DGKB: variants seen among roughly 807,000 people sequenced by gnomAD.
DGKB encodes the protein diacylglycerol kinase beta, also known as 90 kDa diacylglycerol kinase.
DGKB carries 67 observed loss-of-function variants against 114.3 expected under a neutral mutation model. That is an observed-to-expected ratio of 0.59 (90% CI 0.48 to 0.72). The LOEUF (loss-of-function observed/expected upper bound fraction) is 0.72, where lower values mean the gene tolerates loss of function less well. Ranked by LOEUF, DGKB falls within the 30% of genes least tolerant of loss-of-function variation. The pLI, the probability that DGKB is intolerant of heterozygous loss-of-function variation, is 0.00. For missense variants in DGKB, 907 were observed against 975.2 expected, an observed-to-expected ratio of 0.93 and a Z score of 0.93; for synonymous variants, 398 against 323.1, an observed-to-expected ratio of 1.23 and a Z score of -2.49.
chr7:14,567,365 T>C (rs1797657731), intron 20 of DGKB, among the ~76,000 whole-genome samples: 1 of 38,382 alleles, frequency 2.6e-5, no homozygotes, highest in African/African-American at 1.1e-4. Context: ...TTATATTATA[T>C]ATATTATATA....
intron 21 of DGKB, among the ~76,000 whole-genome samples, chr7:14,432,679 C>G (rs1828646769): frequency 6.6e-6 from 1 of 152,068 alleles, no homozygotes; most frequent in Admixed American, 6.6e-5. Context: ...AACCATAATC[C>G]CAAAAGGAGA....
At chr7:14,730,774 A>G (rs148653856) in intron 5 of DGKB, among the ~76,000 whole-genome samples, 1 of 152,284 alleles carries the variant, frequency 6.6e-6, no homozygotes, top group African/African-American at 2.4e-5. Context: ...CCATGTACTC[A>G]TGTATCTCCA....
chr7:14,729,123 C>CTTTCT (rs1463141725), intron 5 of DGKB, among the ~76,000 whole-genome samples: 3 of 113,366 alleles, frequency 2.6e-5, no homozygotes, highest in African/African-American at 7.3e-5. Flanking sequence ...CATTTTCTTT[C>CTTTCT]TTTTTTTTTT....
intron 15 of DGKB, among the ~76,000 whole-genome samples, chr7:14,613,654 G>A (rs536652628): frequency 1.6e-4 from 24 of 151,960 alleles, no homozygotes; most frequent in African/African-American, 3.6e-4. Context: ...ATAGAGGGCC[G>A]AGGGGAAGGC....
intron 23 of DGKB, among the ~76,000 whole-genome samples, chr7:14,203,581 A>C (rs1786258033): frequency 6.6e-6 from 1 of 152,000 alleles, no homozygotes; most frequent in Non-Finnish European, 1.5e-5. Context: ...CAGTGCATGC[A>C]TGCAGTTTTG....
At chr7:14,160,366 T>C (rs992018581) in intron 25 of DGKB, among the ~76,000 whole-genome samples, 5 of 152,150 alleles carry the variant, frequency 3.3e-5, no homozygotes, top group African/African-American at 9.6e-5. Flanking sequence ...GATTGTATAT[T>C]TAGAAAACCC....
intron 13 of DGKB, among the ~76,000 whole-genome samples, chr7:14,667,130 T>C (rs1818177541): frequency 6.6e-6 from 1 of 152,024 alleles, no homozygotes; most frequent in South Asian, 2.1e-4. Context: ...TGCTAATCTC[T>C]GGAAATGGTG....
At chr7:14,689,777 CTT>C (rs1417955480) in intron 9 of DGKB, among the ~76,000 whole-genome samples, 2 of 152,168 alleles carry the variant, frequency 1.3e-5, no homozygotes, top group African/African-American at 4.8e-5. Context: ...AAATTAAAAA[CTT>C]TTAAAAATCG....
chr7:14,723,253 G>C (rs1435389989), intron 5 of DGKB, among the ~76,000 whole-genome samples: 1 of 152,144 alleles, frequency 6.6e-6, no homozygotes, highest in Non-Finnish European at 1.5e-5. Flanking sequence ...AATAGTAAGT[G>C]AGATCCTTTC....
intron 23 of DGKB, among the ~76,000 whole-genome samples, chr7:14,299,059 A>C (rs1330754278): frequency 1.3e-5 from 2 of 152,148 alleles, no homozygotes; most frequent in Admixed American, 1.3e-4. Flanking sequence ...GCTGAAGAGG[A>C]TGTCGAGAAA....
chr7:14,203,179 T>TAAAAAAAAAAAAAAAAAAAAA, intron 23 of DGKB, among the ~76,000 whole-genome samples: 1 of 78,964 alleles, frequency 1.3e-5, no homozygotes, highest in Admixed American at 1.2e-4. Flanking sequence ...AAAAAAAAAG[T>TAAAAAAAAAAAAAAAAAAAAA]TAAAAGTTTC....
intron 20 of DGKB, 148 bp from the exon 21 acceptor site, chr7:14,478,373 A>G (rs966385125): frequency 5.9e-6 from 3 of 507,400 alleles, no homozygotes; most frequent in Non-Finnish European, 1.0e-5. Flanking sequence ...TTAGGCAAAA[A>G]TGTGTGATCC....
chr7:14,263,624 A>G (rs1223450186), intron 23 of DGKB, among the ~76,000 whole-genome samples: 1 of 152,166 alleles, frequency 6.6e-6, no homozygotes, highest in Non-Finnish European at 1.5e-5. Context: ...CCTTCAGAAG[A>G]GCAACATTCT....
At chr7:14,300,081 A>T (rs1369489350) in intron 23 of DGKB, among the ~76,000 whole-genome samples, 1 of 152,106 alleles carries the variant, frequency 6.6e-6, no homozygotes, top group East Asian at 1.9e-4. Context: ...TTTCTGAAAG[A>T]TATCTACCAA....
At chr7:14,682,501 C>A in intron 12 of DGKB, 52 bp downstream of exon 12, 1 of 1,216,300 alleles carries the variant, frequency 8.2e-7, no homozygotes, top group South Asian at 1.3e-5. Context: ...GTATGATATA[C>A]ACGTCTTCAG....
At chr7:14,772,982 C>A (rs1837637170) in intron 2 of DGKB, among the ~76,000 whole-genome samples, 1 of 152,124 alleles carries the variant, frequency 6.6e-6, no homozygotes, top group Admixed American at 6.6e-5. Context: ...ATGCTTTAAT[C>A]TTCAAAAGAA....
At chr7:14,478,374 T>C (rs975978986) in intron 20 of DGKB, 149 bp from the exon 21 acceptor site, 18 of 507,252 alleles carry the variant, frequency 3.5e-5, no homozygotes, top group East Asian at 2.2e-4. Context: ...TAGGCAAAAA[T>C]GTGTGATCCA....
intron 1 of DGKB, among the ~76,000 whole-genome samples, chr7:14,966,503 G>A (rs1787159585): frequency 6.6e-6 from 1 of 151,816 alleles, no homozygotes; most frequent in Non-Finnish European, 1.5e-5. Flanking sequence ...GTCTCACCAT[G>A]TCGCCCAGGC....
intron 23 of DGKB, chr7:14,191,151 G>C (rs943734358): frequency 2.9e-5 from 5 of 173,582 alleles, no homozygotes; most frequent in African/African-American, 9.4e-5. Flanking sequence ...TGTTGCTGCT[G>C]GTGCTGGTGA....
Sources: allele counts gnomAD v4.1 joint callset (sites outside exome capture counted in the v4.1 genomes callset), GRCh38; gene constraint gnomAD v4.1.1; transcripts MANE v1.5; gene names NCBI Gene and HGNC (gene_info 2026-07-23, HGNC 2026-07-21).